TESC: variants seen among roughly 807,000 people sequenced by gnomAD.
TESC encodes the protein tescalcin.
A neutral mutation model predicts 31.0 loss-of-function variants in TESC; 19 were observed. That is an observed-to-expected ratio of 0.61 (90% CI 0.43 to 0.90). The LOEUF is 0.90. Among genes scored for constraint, TESC ranks in the 40% least tolerant of loss-of-function variants. TESC has a pLI of 0.00. For synonymous variants in TESC, 109 were observed against 114.8 expected (o/e 0.95, Z 0.32); for missense variants, 248 against 303.8 (o/e 0.82, Z 1.36).
chr12:117,053,578 C>T (rs951206043), intron 3 of TESC, among the ~76,000 whole-genome samples: 6 of 152,074 alleles, frequency 3.9e-5, no homozygotes, highest in Non-Finnish European at 7.3e-5. Flanking sequence ...TGTGTTTGGA[C>T]GAACATATGC....
intron 2 of TESC, among the ~76,000 whole-genome samples, chr12:117,059,686 G>A (rs988728194): frequency 6.6e-6 from 1 of 152,002 alleles, no homozygotes; most frequent in Non-Finnish European, 1.5e-5. Flanking sequence ...TCCGCCTCCC[G>A]GGTTCAAGTG....
rs556542460 is a variant in TESC at position 117,092,300 on chromosome 12, C to A, written c.58+6925G>T. On this transcript the variant is annotated intron_variant, in intron 1 of 7. Coordinates refer to ENST00000335209, the MANE Select transcript of TESC (RefSeq NM_017899.4). ...ACCGAGCTCAGTGCACATGGAACGC[C>A]ATCCTCCAGGGTCCCGCTCTGTGGC... Among the ~76,000 whole-genome samples the A allele has an allele frequency of 1.6e-4, 25 of 152,324 alleles. 1 individual carries two copies. The South Asian group carries it at 5.2e-3, about 32-fold the overall frequency.
chr12:117,043,639 T>G (rs1156976623), intron 6 of TESC, among the ~76,000 whole-genome samples: 1 of 152,110 alleles, frequency 6.6e-6, no homozygotes, highest in Non-Finnish European at 1.5e-5. Context: ...ATTTTTTAAA[T>G]TTTTTAGCAG....
At chr12:117,044,338 C>T (rs1009110594) in intron 6 of TESC, among the ~76,000 whole-genome samples, 8 of 152,154 alleles carry the variant, frequency 5.3e-5, no homozygotes, top group Non-Finnish European at 1.0e-4. Flanking sequence ...CTGGGCCAGC[C>T]CTGTCCCTAA....
At chr12:117,078,100 A>C (rs1955098068) in intron 1 of TESC, among the ~76,000 whole-genome samples, 1 of 152,244 alleles carries the variant, frequency 6.6e-6, no homozygotes, top group African/African-American at 2.4e-5. Flanking sequence ...GTACAAAAAC[A>C]TGAATACATA....
At chr12:117,076,099 G>A (rs1295108215) in intron 1 of TESC, among the ~76,000 whole-genome samples, 1 of 150,570 alleles carries the variant, frequency 6.6e-6, no homozygotes, top group Non-Finnish European at 1.5e-5. Flanking sequence ...CTGCAGGCAT[G>A]AGCCACCACG....
chr12:117,088,428 C>G (rs1016770931), intron 1 of TESC, among the ~76,000 whole-genome samples: 2 of 152,188 alleles, frequency 1.3e-5, no homozygotes, highest in African/African-American at 4.8e-5. Flanking sequence ...TGCCTGTAAT[C>G]CCAGCGCTTT....
At chr12:117,043,344 T>C (rs1954512183) in intron 6 of TESC, among the ~76,000 whole-genome samples, 1 of 152,216 alleles carries the variant, frequency 6.6e-6, no homozygotes, top group South Asian at 2.1e-4. Flanking sequence ...TCTGTGACTG[T>C]CTGAAATTCT....
chr12:117,068,301 G>A (rs147360504), intron 2 of TESC, among the ~76,000 whole-genome samples: 2,126 of 152,178 alleles, frequency 0.014, 26 homozygotes, highest in South Asian at 0.035. Flanking sequence ...AGGCCGAGGC[G>A]GGTGGATCAC....
At chr12:117,040,551 C>T (rs548588327) in intron 7 of TESC, among the ~76,000 whole-genome samples, 85 of 152,088 alleles carry the variant, frequency 5.6e-4, no homozygotes, top group Non-Finnish European at 1.1e-3. Flanking sequence ...CCTCCTCCAC[C>T]TTCTAGCTCT....
chr12:117,092,874 G>A (rs960432080), intron 1 of TESC, among the ~76,000 whole-genome samples: 25 of 152,196 alleles, frequency 1.6e-4, no homozygotes, highest in African/African-American at 5.3e-4. Flanking sequence ...CCATACAATG[G>A]AAAACACTTC....
At position 117,099,299 on chromosome 12, in the gene TESC, G is replaced by A. The variant is rs1029703355; in HGVS notation, c.-17C>T. ...AGCGCCCATGGTGCCCGCGGCGGGG[G>A]CCCCGGGGCGCGCGTCCCTCTCAGG... On this transcript the variant is annotated 5_prime_UTR_variant, in exon 1 of 8. Coordinates refer to ENST00000335209, the MANE Select transcript of TESC (RefSeq NM_017899.4). 1.5e-5 allele frequency: 21 copies of A among 1,425,670 alleles called. No homozygotes were observed. The highest frequency in any genetic ancestry group is 2.9e-5 in the Admixed American group (1 of 34,594). The allele number at this position is 1,425,670 out of a possible 1,614,324, so 88.3% of individuals were successfully genotyped here.
At chr12:117,039,256 T>A in intron 7 of TESC, 46 bp from the exon 8 acceptor site, 1 of 1,572,410 alleles carries the variant, frequency 6.4e-7, no homozygotes, top group Non-Finnish European at 8.7e-7. Flanking sequence ...CGCCGCCACC[T>A]CACACCTGAC....
chr12:117,046,948 C>A, intron 4 of TESC, 110 bp from the exon 5 acceptor site: 2 of 1,201,556 alleles, frequency 1.7e-6, no homozygotes, highest in Admixed American at 2.1e-5. Context: ...AACCTCAATG[C>A]CAAAGCCAGA....
Position 117,039,952 on chromosome 12 carries a change from C to T in TESC, c.568-742G>A, listed in dbSNP as rs920447945. 6.6e-5 allele frequency among the ~76,000 whole-genome samples: 10 copies of T among 152,352 alleles called. 1 individual carries two copies. In the East Asian group the frequency reaches 1.5e-3, roughly 23 times the overall value. On this transcript the variant is annotated intron_variant, in intron 7 of 7. Coordinates refer to ENST00000335209, the MANE Select transcript of TESC (RefSeq NM_017899.4). ...CAGCGCCTTAGCAAGTCAGGGCCCA[C>T]GGGGGCCACAGATGGTAGGATGGGG...
chr12:117,070,961 ACT>A (rs531289467), intron 2 of TESC, among the ~76,000 whole-genome samples: 299 of 133,536 alleles, frequency 2.2e-3, no homozygotes, highest in Admixed American at 3.5e-3. Flanking sequence ...ACACAGCGAG[ACT>A]CTGTCAAAAA....
intron 2 of TESC, among the ~76,000 whole-genome samples, chr12:117,058,050 T>G (rs1385971705): frequency 6.6e-6 from 1 of 152,050 alleles, no homozygotes. Flanking sequence ...TGAAACCCCA[T>G]CTCTACTAAA....
chr12:117,068,242 C>A (rs1954914292), intron 2 of TESC, among the ~76,000 whole-genome samples: 1 of 150,918 alleles, frequency 6.6e-6, no homozygotes, highest in African/African-American at 2.4e-5. Flanking sequence ...AAGAACACTG[C>A]TGAGGGCCTG....
intron 1 of TESC, among the ~76,000 whole-genome samples, chr12:117,082,046 A>G (rs1955155773): frequency 6.7e-6 from 1 of 148,460 alleles, no homozygotes; most frequent in Non-Finnish European, 1.5e-5. Flanking sequence ...CAAGACAGGA[A>G]GATCCCATCT....
Sources: gnomAD v4.1 joint callset for allele counts (sites outside exome capture counted in the v4.1 genomes callset) on GRCh38, gnomAD v4.1.1 for gene constraint, MANE v1.5 for transcripts, NCBI Gene and HGNC (gene_info 2026-07-23, HGNC 2026-07-21) for gene names.